The following RORA variants were observed in gnomAD, a reference collection of about 807,000 sequenced individuals.
RORA encodes nuclear receptor ROR-alpha.
In RORA, 7 loss-of-function variants were observed where a neutral mutation model predicts 69.5. The ratio of observed to expected loss-of-function variants is 0.10; its 90% CI spans 0.06 to 0.19. RORA has a LOEUF of 0.19. RORA is among the 10% of genes least tolerant of loss of function. The pLI is 1.00. For synonymous variants in RORA, 261 were observed against 240.8 expected, an observed-to-expected ratio of 1.08 and a Z score of -0.78; for missense variants, 457 against 663.0, an observed-to-expected ratio of 0.69 and a Z score of 3.41.
rs2065191445 is a variant in RORA at position 60,497,283 on chromosome 15, TTTTA to T, written c.*168_*171del. ...TATGCATGAGAAAAACAAGTTCAAC[TTTTA>T]TTTGTTTTCATTGTTTCCCCTCCTT... On this transcript the variant is annotated 3_prime_UTR_variant, in exon 11 of 11. Coordinates refer to ENST00000335670, the MANE Select transcript of RORA (RefSeq NM_134261.3). 1.8e-6 allele frequency: 1 copy of T among 564,786 alleles called. No individual in the cohort carries two copies. Among genetic ancestry groups the T allele is most frequent in the South Asian group, 2.7e-5 (1 of 37,280 alleles). 35.0% of individuals were successfully genotyped at this position (564,786 alleles called of 1,614,324 possible). A position where few individuals can be genotyped will look rare whatever the true frequency, so the allele number is the denominator to read the frequency against.
intron 2 of RORA, among the ~76,000 whole-genome samples, chr15:60,607,029 TC>T (rs1290414609): frequency 6.6e-6 from 1 of 152,210 alleles, no homozygotes; most frequent in Non-Finnish European, 1.5e-5. Flanking sequence ...TGTCTGAACT[TC>T]CAGTATACCG....
chr15:61,089,842 C>T (rs569777540), intron 1 of RORA, among the ~76,000 whole-genome samples: 1 of 152,262 alleles, frequency 6.6e-6, no homozygotes, highest in South Asian at 2.1e-4. Flanking sequence ...GCCCTGACCT[C>T]ATCAAGCTGT....
At chr15:61,163,748 C>T (rs990617730) in intron 1 of RORA, among the ~76,000 whole-genome samples, 32 of 152,172 alleles carry the variant, frequency 2.1e-4, no homozygotes, top group African/African-American at 7.7e-4. Context: ...ATCTTCTCAT[C>T]TCAAAACCAT....
At chr15:60,938,548 T>G (rs1218816922) in intron 1 of RORA, among the ~76,000 whole-genome samples, 1 of 152,154 alleles carries the variant, frequency 6.6e-6, no homozygotes, top group African/African-American at 2.4e-5. Context: ...CAATCAAAAT[T>G]AGAAGGTAAT....
At position 60,701,181 on chromosome 15, in the gene RORA, G is replaced by A. The variant is rs181604827; in HGVS notation, c.167-22495C>T. Among the ~76,000 whole-genome samples the A allele has an allele frequency of 1.9e-3, 296 of 152,220 alleles. 1 individual carries two copies. The highest frequency in any genetic ancestry group is 3.3e-3 in the Non-Finnish European group (225 of 68,026). ...CATCACTCCTTCCAATTAAGTACAC[G>A]GACAATATCTTTTATCTCTTGATCC... On this transcript the variant is annotated intron_variant, in intron 1 of 10. Coordinates refer to ENST00000335670, the MANE Select transcript of RORA (RefSeq NM_134261.3).
At chr15:61,022,353 T>C (rs1304809256) in intron 1 of RORA, among the ~76,000 whole-genome samples, 1 of 152,180 alleles carries the variant, frequency 6.6e-6, no homozygotes, top group African/African-American at 2.4e-5. Context: ...AAAATGTATA[T>C]GAGTAGAACG....
chr15:60,835,566 C>T (rs1452318315), intron 1 of RORA, among the ~76,000 whole-genome samples: 1 of 152,208 alleles, frequency 6.6e-6, no homozygotes, highest in Non-Finnish European at 1.5e-5. Flanking sequence ...ACTCACTTCA[C>T]ATCACAAAGC....
rs537989874 is a variant in RORA at position 60,505,098 on chromosome 15, C to T, written c.942+410G>A. Among the ~76,000 whole-genome samples the T allele has an allele frequency of 9.9e-5, 15 of 152,262 alleles. No individual in the cohort carries two copies. The South Asian group carries it at 3.1e-3, about 32-fold the overall frequency. On this transcript the variant is annotated intron_variant, in intron 6 of 10. Transcript: ENST00000335670. ...TCTAAATTTTTTTTGTATATACTCC[C>T]TAATACAACTTCCAGAAACATGAGG...
intron 5 of RORA, among the ~76,000 whole-genome samples, chr15:60,510,131 T>C (rs903156636): frequency 6.6e-6 from 1 of 152,248 alleles, no homozygotes; most frequent in African/African-American, 2.4e-5. Flanking sequence ...TGCTCAAGTC[T>C]GAACCTGCTG....
chr15:61,062,659 T>G (rs2078203311), intron 1 of RORA, among the ~76,000 whole-genome samples: 1 of 152,160 alleles, frequency 6.6e-6, no homozygotes, highest in African/African-American at 2.4e-5. Flanking sequence ...GCATATCATA[T>G]GTATATTAAT....
chr15:60,592,279 G>C, intron 2 of RORA: 1 of 755,722 alleles, frequency 1.3e-6, no homozygotes, highest in Non-Finnish European at 1.8e-6. Flanking sequence ...CGAGCCCCGG[G>C]CAGTACGTGC....
At chr15:61,187,584 G>C (rs1039956214) in intron 1 of RORA, among the ~76,000 whole-genome samples, 1 of 152,176 alleles carries the variant, frequency 6.6e-6, no homozygotes, top group Non-Finnish European at 1.5e-5. Flanking sequence ...TCTTCCACAG[G>C]GAACAGCGCA....
chr15:60,552,632 G>T (rs941622900), intron 2 of RORA, among the ~76,000 whole-genome samples: 1 of 152,150 alleles, frequency 6.6e-6, no homozygotes. Flanking sequence ...GAATGAAAGG[G>T]TTATTAAAAT....
intron 3 of RORA, among the ~76,000 whole-genome samples, chr15:60,526,357 C>T (rs572803722): frequency 3.9e-5 from 6 of 152,348 alleles, no homozygotes; most frequent in East Asian, 1.9e-4. Context: ...TTCCCAAGCA[C>T]GCACGAGGGA....
intron 1 of RORA, among the ~76,000 whole-genome samples, chr15:60,942,215 T>A (rs541273086): frequency 8.5e-5 from 13 of 152,306 alleles, no homozygotes; most frequent in African/African-American, 2.6e-4. Flanking sequence ...GTGCACACAG[T>A]AGATCTTTCA....
At chr15:60,699,387 T>G (rs996577621) in intron 1 of RORA, among the ~76,000 whole-genome samples, 1 of 152,242 alleles carries the variant, frequency 6.6e-6, no homozygotes, top group Non-Finnish European at 1.5e-5. Context: ...TTCACTCCAC[T>G]TCTCAAGATT....
chr15:60,606,977 G>A (rs2068960617), intron 2 of RORA, among the ~76,000 whole-genome samples: 1 of 152,104 alleles, frequency 6.6e-6, no homozygotes, highest in South Asian at 2.1e-4. Flanking sequence ...TTTACTCCGA[G>A]GCTTTTTTCT....
intron 1 of RORA, among the ~76,000 whole-genome samples, chr15:61,172,752 G>A (rs575344562): frequency 4.7e-4 from 71 of 152,148 alleles, no homozygotes; most frequent in African/African-American, 1.5e-3. Context: ...ACTATTTTCC[G>A]TTAGAATCAT....
intron 1 of RORA, among the ~76,000 whole-genome samples, chr15:60,723,357 T>C (rs1408530655): frequency 1.3e-5 from 2 of 151,558 alleles, no homozygotes; most frequent in African/African-American, 4.9e-5. Context: ...GATTGACAAA[T>C]GTGATCCTAT....
Sources: allele counts gnomAD v4.1 joint callset (sites outside exome capture counted in the v4.1 genomes callset), GRCh38; gene constraint gnomAD v4.1.1; transcripts MANE v1.5; gene names NCBI Gene and HGNC (gene_info 2026-07-23, HGNC 2026-07-21).